The following C3orf52 variants were observed in gnomAD, a reference collection of about 807,000 sequenced individuals.
C3orf52 encodes the protein chromosome 3 open reading frame 52.
C3orf52 carries 22 observed loss-of-function variants against 24.8 expected under a neutral mutation model. The observed-to-expected ratio is 0.89, with a 90% CI of 0.63 to 1.27. The LOEUF (loss-of-function observed/expected upper bound fraction) is 1.27, where lower values mean the gene tolerates loss of function less well. Among genes scored for constraint, C3orf52 ranks in the 50% most tolerant of loss-of-function variants. The pLI, the probability that C3orf52 is intolerant of heterozygous loss-of-function variation, is 0.00. For synonymous variants in C3orf52, 93 were observed against 100.2 expected, an observed-to-expected ratio of 0.93 and a Z score of 0.43; for missense variants, 265 against 260.7, an observed-to-expected ratio of 1.02 and a Z score of -0.11.
intron 4 of C3orf52, chr3:112,128,077 G>A (rs1320883047): frequency 1.2e-6 from 2 of 1,611,720 alleles, no homozygotes; most frequent in Admixed American, 3.3e-5. Flanking sequence ...ATACCCAAGA[G>A]AGATGGCAAA....
chr3:112,107,228 G>C (rs1198165972), intron 3 of C3orf52, among the ~76,000 whole-genome samples: 1 of 152,158 alleles, frequency 6.6e-6, no homozygotes, highest in African/African-American at 2.4e-5. Context: ...AAGGGAAGGA[G>C]GAAGCAGAGA....
chr3:112,130,511 C>T (rs138568469), downstream of C3orf52: 68 of 1,613,600 alleles, frequency 4.2e-5, no homozygotes, highest in Middle Eastern at 1.6e-4. Context: ...GTTCTGCTGC[C>T]GCCTGAAACT....
chr3:112,132,611 A>G (rs144420771), downstream of C3orf52: 49 of 980,746 alleles, frequency 5.0e-5, no homozygotes, highest in African/African-American at 4.5e-4. Context: ...TTCTGTGCCT[A>G]TTTAATCTAG....
intron 3 of C3orf52, among the ~76,000 whole-genome samples, chr3:112,106,809 A>G (rs969883381): frequency 1.3e-5 from 2 of 152,064 alleles, no homozygotes; most frequent in African/African-American, 4.8e-5. Context: ...CTGTGTGACT[A>G]CCACACCCTG....
At chr3:112,115,013 TG>T (rs2074121970) in intron 5 of C3orf52, among the ~76,000 whole-genome samples, 2 of 152,166 alleles carry the variant, frequency 1.3e-5, no homozygotes, top group Admixed American at 6.5e-5. Flanking sequence ...CAGGGCTTGG[TG>T]CTCCAGCAGG....
intron 2 of C3orf52, among the ~76,000 whole-genome samples, chr3:112,095,546 T>C (rs1184229614): frequency 2.0e-5 from 3 of 152,206 alleles, no homozygotes; most frequent in Admixed American, 6.5e-5. Context: ...GTATTTCACT[T>C]CCTTCCACAG....
chr3:112,101,895 G>A lies in C3orf52; in HGVS notation c.269-943G>A, dbSNP rs543626092. Among the ~76,000 whole-genome samples, 7 of 152,326 alleles carry A rather than the reference G, an allele frequency of 4.6e-5. No homozygotes were observed. The South Asian group carries it at 1.4e-3, about 32-fold the overall frequency. ...GAGCCAGGGGAGCATAATTAGCACAGTAGTGCTAGCTTCTGGCGCCTGGCT... is the reference window on the plus strand; with the variant it reads ...GAGCCAGGGGAGCATAATTAGCACAATAGTGCTAGCTTCTGGCGCCTGGCT... On this transcript the variant is annotated intron_variant, in intron 2 of 5. Coordinates refer to ENST00000264848, the MANE Select transcript of C3orf52 (RefSeq NM_024616.3).
intron 1 of C3orf52, among the ~76,000 whole-genome samples, chr3:112,092,466 G>A (rs1296315336): frequency 6.6e-6 from 1 of 152,176 alleles, no homozygotes; most frequent in Non-Finnish European, 1.5e-5. Context: ...TAAGGTGGGG[G>A]CCCCTCTGTG....
At chr3:112,093,248 C>G in intron 1 of C3orf52, 112 bp from the exon 2 acceptor site, 3 of 1,097,376 alleles carry the variant, frequency 2.7e-6, no homozygotes, top group Non-Finnish European at 3.9e-6. Flanking sequence ...GAGTGTTGCC[C>G]TAAGGTCAGG....
chr3:112,133,016 T>C (rs1004390127), downstream of C3orf52: 28 of 1,473,882 alleles, frequency 1.9e-5, no homozygotes, highest in Non-Finnish European at 2.4e-5. Context: ...AACTGTATAC[T>C]AGCTTTCTTT....
downstream of C3orf52, chr3:112,130,389 A>C (rs1456126636): frequency 8.5e-6 from 12 of 1,412,008 alleles, no homozygotes; most frequent in Admixed American, 1.7e-5. Context: ...AGGGCTTGAC[A>C]TACTTCGTTC....
downstream of C3orf52, chr3:112,130,446 TGG>T (rs761902620): frequency 3.1e-6 from 5 of 1,613,780 alleles, no homozygotes; most frequent in Non-Finnish European, 4.2e-6. Context: ...TGCTCTCACC[TGG>T]ATGTTCTCTG....
chr3:112,111,495 A>G (rs979376155), intron 4 of C3orf52: 1 of 152,304 alleles, frequency 6.6e-6, no homozygotes, highest in Non-Finnish European at 1.5e-5. Flanking sequence ...AGCTGGGCGA[A>G]AGGCCCTGAA....
chr3:112,127,234 C>T (rs1351937802), intron 4 of C3orf52, among the ~76,000 whole-genome samples: 1 of 152,090 alleles, frequency 6.6e-6, no homozygotes, highest in Non-Finnish European at 1.5e-5. Flanking sequence ...GTGCCTCTTT[C>T]TCTCTCTCCT....
intron 1 of C3orf52, among the ~76,000 whole-genome samples, chr3:112,088,908 CTCT>C (rs1559968763): frequency 6.6e-6 from 1 of 152,056 alleles, no homozygotes; most frequent in East Asian, 1.9e-4. Context: ...GAAGACATCT[CTCT>C]TCTTCCTTGG....
intron 2 of C3orf52, among the ~76,000 whole-genome samples, chr3:112,100,833 G>C (rs914312349): frequency 6.6e-6 from 1 of 152,146 alleles, no homozygotes; most frequent in Non-Finnish European, 1.5e-5. Context: ...AAGCACATGG[G>C]AAATGGCTTT....
chr3:112,132,893 C>T, downstream of C3orf52: 1 of 558,034 alleles, frequency 1.8e-6, no homozygotes. Context: ...CACCATGATT[C>T]TTGGGAGAAG....
At position 112,106,383 on chromosome 3, in the gene C3orf52, C is replaced by G. The variant is rs2074025259; in HGVS notation, c.397-3160C>G. Among the ~76,000 whole-genome samples, 7 of 152,086 alleles carry G rather than the reference C, an allele frequency of 4.6e-5. No homozygotes were observed. The South Asian group carries it at 1.4e-3, about 32-fold the overall frequency. On this transcript the variant is annotated intron_variant, in intron 3 of 5. Coordinates refer to ENST00000264848, the MANE Select transcript of C3orf52 (RefSeq NM_024616.3). ...GCTGGGACTACACGCATGCACCATC[C>G]CACTCCACCACACTGGCTGAAAGTT...
intron 4 of C3orf52, chr3:112,123,228 A>G (rs1203224825): frequency 2.6e-6 from 2 of 759,538 alleles, no homozygotes; most frequent in African/African-American, 3.5e-5. Flanking sequence ...AGAACCAAAG[A>G]TGGTTACCTC....
Sources: gnomAD v4.1 joint callset for allele counts (sites outside exome capture counted in the v4.1 genomes callset) on GRCh38, gnomAD v4.1.1 for gene constraint, MANE v1.5 for transcripts, NCBI Gene and HGNC (gene_info 2026-07-23, HGNC 2026-07-21) for gene names.